Variants in MAST4 observed in about 807,000 individuals in gnomAD.
The protein encoded by MAST4 is microtubule-associated serine/threonine-protein kinase 4.
MAST4 carries 89 observed loss-of-function variants against 162.7 expected under a neutral mutation model. That is an observed-to-expected ratio of 0.55 (90% CI 0.46 to 0.65). The LOEUF is 0.65. Ranked by LOEUF, MAST4 falls within the 30% of genes least tolerant of loss-of-function variation. The pLI is 0.00. For synonymous variants in MAST4, 1,479 were observed against 1,361.1 expected (o/e 1.09, Z -1.91); for missense variants, 3,153 against 3,374.0 (o/e 0.93, Z 1.62).
intron 1 of MAST4, among the ~76,000 whole-genome samples, chr5:66,616,744 T>C (rs1424731504): frequency 3.3e-5 from 5 of 152,216 alleles, no homozygotes; most frequent in South Asian, 2.1e-4. Context: ...ACAGTCTATC[T>C]TCTGAATAGG....
At chr5:67,074,907 G>A (rs564373490) in intron 5 of MAST4, among the ~76,000 whole-genome samples, 25 of 152,180 alleles carry the variant, frequency 1.6e-4, no homozygotes, top group South Asian at 1.0e-3. Flanking sequence ...GATTTTAAAC[G>A]TTTCACCAGA....
chr5:66,682,120 G>C (rs1207981899), intron 1 of MAST4, among the ~76,000 whole-genome samples: 3 of 152,136 alleles, frequency 2.0e-5, no homozygotes, highest in Non-Finnish European at 4.4e-5. Context: ...GCTTAGACAG[G>C]CCTGCCGCCA....
intron 3 of MAST4, among the ~76,000 whole-genome samples, chr5:66,857,189 A>G (rs1759752014): frequency 6.6e-6 from 1 of 152,144 alleles, no homozygotes; most frequent in Admixed American, 6.5e-5. Context: ...CCCACTCAGA[A>G]TAGATTTTTA....
intron 4 of MAST4, chr5:67,001,560 T>A (rs912144301): frequency 2.6e-5 from 4 of 152,198 alleles, no homozygotes; most frequent in Non-Finnish European, 5.9e-5. Context: ...GTGGAGGCAG[T>A]CATAACATAT....
intron 3 of MAST4, among the ~76,000 whole-genome samples, chr5:66,795,634 G>C (rs1332701663): frequency 6.6e-6 from 1 of 152,122 alleles, no homozygotes; most frequent in Admixed American, 6.5e-5. Context: ...TATGGTTATT[G>C]GACCTGTTGA....
Position 66,686,175 on chromosome 5 carries a change from T to TA in MAST4, c.364-73532dup, listed in dbSNP as rs533809164. Among the ~76,000 whole-genome samples, 84 of 152,270 alleles carry TA rather than the reference T, an allele frequency of 5.5e-4. 2 individuals carry two copies. The highest frequency in any genetic ancestry group is 1.8e-3 in the African/African-American group (73 of 41,550). ...TGACAATATCTTTGTGACATTAGGG[T>TA]AATATTAACCTCTCTAAGCCTCAGT... On this transcript the variant is annotated intron_variant, in intron 1 of 28. Transcript: ENST00000403625.
chr5:66,647,608 T>G (rs2149443529), intron 1 of MAST4, among the ~76,000 whole-genome samples: 1 of 152,288 alleles, frequency 6.6e-6, no homozygotes, highest in East Asian at 1.9e-4. Flanking sequence ...AACTGTGGTG[T>G]AAGTGGTTTG....
At chr5:66,720,683 C>T (rs1460630623) in intron 1 of MAST4, among the ~76,000 whole-genome samples, 1 of 152,020 alleles carries the variant, frequency 6.6e-6, no homozygotes, top group Non-Finnish European at 1.5e-5. Flanking sequence ...TATTCTAATC[C>T]TTTAATTTCT....
chr5:66,663,511 A>G (rs1747045117), intron 1 of MAST4, among the ~76,000 whole-genome samples: 2 of 152,206 alleles, frequency 1.3e-5, no homozygotes, highest in African/African-American at 4.8e-5. Context: ...CCTTGAGATG[A>G]TAGCATTTGA....
chr5:66,689,204 A>C (rs550354130), intron 1 of MAST4, among the ~76,000 whole-genome samples: 1 of 152,206 alleles, frequency 6.6e-6, no homozygotes, highest in South Asian at 2.1e-4. Flanking sequence ...TGTGAAGACC[A>C]TTAATTGGCA....
intron 4 of MAST4, among the ~76,000 whole-genome samples, chr5:67,033,552 G>T (rs916826448): frequency 1.3e-5 from 2 of 152,156 alleles, no homozygotes; most frequent in African/African-American, 4.8e-5. Context: ...AGCAGATTCA[G>T]AAGTAGCTGA....
chr5:66,975,124 C>T (rs1747967928), intron 4 of MAST4, among the ~76,000 whole-genome samples: 1 of 151,930 alleles, frequency 6.6e-6, no homozygotes, highest in African/African-American at 2.4e-5. Flanking sequence ...GGGATTTGGC[C>T]CACAGAGAAG....
At chr5:66,736,384 C>CAT (rs1432297852) in intron 1 of MAST4, among the ~76,000 whole-genome samples, 2 of 91,680 alleles carry the variant, frequency 2.2e-5, no homozygotes, top group Non-Finnish European at 4.2e-5. Flanking sequence ...AGCCTGCTGA[C>CAT]ACACACACAC....
rs149883791 is a variant in MAST4 at position 66,940,882 on chromosome 5, C to T, written c.674+40900C>T. Reference sequence around the variant, plus strand: ...TAACCCAACTTGGGAATCAGAATTACTCCTTAATCCATGGGTTGCAGAGTG... The same window carrying T: ...TAACCCAACTTGGGAATCAGAATTATTCCTTAATCCATGGGTTGCAGAGTG... On this transcript the variant is annotated intron_variant, in intron 4 of 28. Transcript: ENST00000403625. 4.0e-3 allele frequency among the ~76,000 whole-genome samples: 615 copies of T among 152,274 alleles called. 5 individuals are homozygous for T. The highest frequency in any genetic ancestry group is 0.017 in the Middle Eastern group (5 of 294).
intron 4 of MAST4, among the ~76,000 whole-genome samples, chr5:66,967,832 A>G (rs1408768238): frequency 2.6e-5 from 4 of 152,164 alleles, no homozygotes; most frequent in Admixed American, 6.5e-5. Flanking sequence ...AGCATCTTCA[A>G]GACCTTAAGT....
At chr5:67,122,498 C>T (rs753457063) in intron 14 of MAST4, among the ~76,000 whole-genome samples, 2 of 152,136 alleles carry the variant, frequency 1.3e-5, no homozygotes, top group Non-Finnish European at 2.9e-5. Flanking sequence ...AACTTTTCTA[C>T]CTAGGAAGAT....
Position 67,167,922 on chromosome 5 carries a change from CTGTT to C in MAST4, c.*874_*877del, listed in dbSNP as rs908709361. 1.3e-5 allele frequency: 2 copies of C among 152,162 alleles called. No homozygotes were observed. The allele number at this position is 152,162 out of a possible 1,614,324, so 9.4% of individuals were successfully genotyped here. ...CTATAAACACACATCAACTTTCTTTCTGTTTGCTTTCTTTTCCTTCTTTTCAAAC... is the reference window on the plus strand; with the variant it reads ...CTATAAACACACATCAACTTTCTTTCTGCTTTCTTTTCCTTCTTTTCAAAC... On this transcript the variant is annotated 3_prime_UTR_variant, in exon 29 of 29. Coordinates refer to ENST00000403625, the MANE Select transcript of MAST4 (RefSeq NM_001164664.2).
At chr5:66,882,831 T>G (rs1304072775) in intron 3 of MAST4, among the ~76,000 whole-genome samples, 1 of 152,124 alleles carries the variant, frequency 6.6e-6, no homozygotes, top group African/African-American at 2.4e-5. Context: ...AGGCATACCT[T>G]TTTCTGAAGC....
chr5:67,000,975 A>G (rs1751229177), intron 4 of MAST4, among the ~76,000 whole-genome samples: 1 of 152,200 alleles, frequency 6.6e-6, no homozygotes, highest in South Asian at 2.1e-4. Context: ...TGTCATCCTG[A>G]TTAAATGAAT....
Sources: allele counts gnomAD v4.1 joint callset (sites outside exome capture counted in the v4.1 genomes callset), GRCh38; gene constraint gnomAD v4.1.1; transcripts MANE v1.5; gene names NCBI Gene and HGNC (gene_info 2026-07-23, HGNC 2026-07-21).